The following SEPTIN11 variants were observed in gnomAD, a reference collection of about 807,000 sequenced individuals.
SEPTIN11 encodes septin 11.
A neutral mutation model predicts 51.4 loss-of-function variants in SEPTIN11; 25 were observed. The observed-to-expected ratio is 0.49, with a 90% CI of 0.35 to 0.68. The LOEUF is 0.68. Among genes scored for constraint, SEPTIN11 ranks in the 30% least tolerant of loss-of-function variants. The probability of loss-of-function intolerance (pLI) is 0.00; values close to 1 mark genes in which losing one functional copy is unlikely to be tolerated. For synonymous variants in SEPTIN11, 174 were observed against 184.1 expected (o/e 0.95, Z 0.44); for missense variants, 381 against 520.8 (o/e 0.73, Z 2.61).
intron 4 of SEPTIN11, among the ~76,000 whole-genome samples, chr4:77,013,072 C>G (rs1241486607): frequency 6.6e-6 from 1 of 152,166 alleles, no homozygotes; most frequent in Non-Finnish European, 1.5e-5. Flanking sequence ...CAAGAGTGCC[C>G]CATTCTCCAC....
intron 1 of SEPTIN11, among the ~76,000 whole-genome samples, chr4:76,977,825 A>G (rs1722573297): frequency 6.6e-6 from 1 of 151,832 alleles, no homozygotes; most frequent in Non-Finnish European, 1.5e-5. Flanking sequence ...TCTCTAGCCC[A>G]TACTACCGAA....
chr4:76,986,351 A>G (rs940266815), intron 1 of SEPTIN11, among the ~76,000 whole-genome samples: 1 of 151,948 alleles, frequency 6.6e-6, no homozygotes. Flanking sequence ...TGCCTGGGCC[A>G]TGCTGTACAG....
intron 5 of SEPTIN11, among the ~76,000 whole-genome samples, chr4:77,018,199 C>T (rs1226641865): frequency 6.7e-6 from 1 of 149,676 alleles, no homozygotes; most frequent in Non-Finnish European, 1.5e-5. Flanking sequence ...CGGAGTAATC[C>T]CAGCACTTTC....
chr4:76,987,350 C>T (rs1723083757), intron 1 of SEPTIN11, among the ~76,000 whole-genome samples: 1 of 152,116 alleles, frequency 6.6e-6, no homozygotes, highest in Admixed American at 6.6e-5. Flanking sequence ...CATGGGATTT[C>T]ATGGTATAGA....
intron 5 of SEPTIN11, among the ~76,000 whole-genome samples, chr4:77,016,366 T>TGCCGCCCGAGCAGAGCAGTGTACC (rs1725223976): frequency 6.6e-6 from 1 of 150,950 alleles, no homozygotes; most frequent in Non-Finnish European, 1.5e-5. Context: ...CCCTGTGTAC[T>TGCCGCCCGAGCAGAGCAGTGTACC]GCCGCCCGAG....
intron 1 of SEPTIN11, among the ~76,000 whole-genome samples, chr4:76,975,113 CA>C (rs200522921): frequency 1.0e-3 from 72 of 70,262 alleles, no homozygotes; most frequent in East Asian, 1.9e-3. Flanking sequence ...GACTATGTTT[CA>C]AAAAAAAAAA....
intron 3 of SEPTIN11, among the ~76,000 whole-genome samples, chr4:77,007,149 T>C (rs1246982820): frequency 1.3e-5 from 2 of 152,138 alleles, no homozygotes; most frequent in Admixed American, 1.3e-4. Flanking sequence ...CTGTTTGTAA[T>C]GCCAAGAGCA....
At chr4:76,975,731 G>A (rs1428469651) in intron 1 of SEPTIN11, among the ~76,000 whole-genome samples, 1 of 152,100 alleles carries the variant, frequency 6.6e-6, no homozygotes, top group Non-Finnish European at 1.5e-5. Context: ...AAAGGTTCTT[G>A]GGGAGGACCC....
intron 2 of SEPTIN11, among the ~76,000 whole-genome samples, chr4:76,997,476 T>C (rs1723803772): frequency 6.6e-6 from 1 of 152,238 alleles, no homozygotes; most frequent in Non-Finnish European, 1.5e-5. Flanking sequence ...TATTTTTCTT[T>C]TTTAAAAACT....
intron 1 of SEPTIN11, chr4:76,974,858 C>T (rs759418638): frequency 2.8e-5 from 13 of 456,478 alleles, no homozygotes; most frequent in African/African-American, 6.0e-5. Flanking sequence ...TGTGGTGGCT[C>T]ATGCCTGTAA....
At chr4:76,971,461 C>G (rs1722237697) in intron 1 of SEPTIN11, among the ~76,000 whole-genome samples, 1 of 149,804 alleles carries the variant, frequency 6.7e-6, no homozygotes, top group Non-Finnish European at 1.5e-5. Flanking sequence ...AGCCTTTCAC[C>G]TAAAATATTG....
chr4:76,985,243 G>C (rs961998674), intron 1 of SEPTIN11: 3 of 152,200 alleles, frequency 2.0e-5, no homozygotes, highest in Non-Finnish European at 4.4e-5. Context: ...TTGGCATCCA[G>C]TTAGATTTAA....
intron 5 of SEPTIN11, among the ~76,000 whole-genome samples, chr4:77,016,611 TACAC>T (rs535121576): frequency 1.5e-3 from 122 of 82,862 alleles, no homozygotes; most frequent in African/African-American, 6.4e-3. Context: ...TATATATATA[TACAC>T]ATATATATAT....
chr4:77,007,494 C>G (rs1724566452), intron 3 of SEPTIN11, among the ~76,000 whole-genome samples: 1 of 152,162 alleles, frequency 6.6e-6, no homozygotes, highest in Admixed American at 6.5e-5. Context: ...TTGCCTCTCC[C>G]CTAAACTGGG....
intron 3 of SEPTIN11, among the ~76,000 whole-genome samples, chr4:77,008,564 C>T (rs1481188326): frequency 6.6e-6 from 1 of 152,074 alleles, no homozygotes. Flanking sequence ...AAAGTCAGTC[C>T]CTGAATGATG....
In SEPTIN11 at chr4:77,035,035, T is replaced by C; in HGVS notation, c.*523T>C. ...TAGACAGACTGGTGAGCAAGCATTA[T>C]ATTTTATTTTTACCCTTGCATGACA... On this transcript the variant is annotated 3_prime_UTR_variant, in exon 10 of 10. Coordinates refer to ENST00000264893, the MANE Select transcript of SEPTIN11 (RefSeq NM_018243.4). 1 of 985,626 alleles carries C rather than the reference T, an allele frequency of 1.0e-6. No homozygotes were observed. Among genetic ancestry groups the C allele is most frequent in the Non-Finnish European group, 1.2e-6 (1 of 829,998 alleles). The allele number at this position is 985,626 out of a possible 1,614,324, so 61.1% of individuals were successfully genotyped here.
intron 7 of SEPTIN11, 88 bp downstream of exon 7, chr4:77,020,758 A>G (rs1725663239): frequency 4.9e-6 from 6 of 1,230,448 alleles, no homozygotes; most frequent in Non-Finnish European, 6.8e-6. Context: ...CTGGATTGAG[A>G]TGGTGATGAT....
At chr4:77,014,473 T>G (rs553463236) in intron 4 of SEPTIN11, among the ~76,000 whole-genome samples, 8 of 152,130 alleles carry the variant, frequency 5.3e-5, no homozygotes, top group African/African-American at 1.9e-4. Context: ...CTATTTGTCA[T>G]AGAAGAGTAA....
intron 7 of SEPTIN11, among the ~76,000 whole-genome samples, chr4:77,025,340 C>T (rs1016238279): frequency 6.6e-6 from 1 of 151,976 alleles, no homozygotes; most frequent in African/African-American, 2.4e-5. Context: ...AATTTAAGAC[C>T]AGCCTGGGCA....
Sources: allele counts gnomAD v4.1 joint callset (sites outside exome capture counted in the v4.1 genomes callset), GRCh38; gene constraint gnomAD v4.1.1; transcripts MANE v1.5; gene names NCBI Gene and HGNC (gene_info 2026-07-23, HGNC 2026-07-21).